Variants in HMGXB3 observed in about 807,000 individuals in gnomAD.
The protein encoded by HMGXB3 is HMG domain-containing protein 3.
In HMGXB3, 45 loss-of-function variants were observed where a neutral mutation model predicts 121.5. That is an observed-to-expected ratio of 0.37 (90% confidence interval 0.29 to 0.47). The LOEUF is 0.47. Ranked by LOEUF, HMGXB3 falls within the 20% of genes least tolerant of loss-of-function variation. The pLI, the probability that HMGXB3 is intolerant of heterozygous loss-of-function variation, is 0.99. For missense variants in HMGXB3, 1,376 were observed against 1,602.2 expected (o/e 0.86, Z 2.41); for synonymous variants, 590 against 624.1 (o/e 0.95, Z 0.81).
intron 11 of HMGXB3, among the ~76,000 whole-genome samples, chr5:150,033,966 C>G (rs1453184811): frequency 6.6e-6 from 1 of 152,194 alleles, no homozygotes; most frequent in East Asian, 1.9e-4. Context: ...GGGAGTGACC[C>G]TGAGTTGGAA....
At chr5:150,040,176 T>C (rs903214520) in intron 13 of HMGXB3, among the ~76,000 whole-genome samples, 2 of 152,174 alleles carry the variant, frequency 1.3e-5, no homozygotes, top group Non-Finnish European at 2.9e-5. Flanking sequence ...CTATATGTAC[T>C]ATTTCATTAT....
intron 16 of HMGXB3, among the ~76,000 whole-genome samples, chr5:150,047,054 G>A (rs1489050440): frequency 6.6e-6 from 1 of 151,580 alleles, no homozygotes; most frequent in African/African-American, 2.4e-5. Context: ...CACCACACCT[G>A]GCTAATTTTT....
chr5:150,049,419 C>G (rs1163143095), intron 18 of HMGXB3, among the ~76,000 whole-genome samples: 2 of 151,808 alleles, frequency 1.3e-5, no homozygotes, highest in Admixed American at 6.6e-5. Flanking sequence ...AACCCCCCCC[C>G]TTAACAGGTA....
intron 6 of HMGXB3, chr5:150,021,771 T>C: frequency 2.0e-6 from 1 of 507,786 alleles, no homozygotes; most frequent in South Asian, 1.4e-5. Flanking sequence ...GAACTGATCC[T>C]TTCACTGAGA....
At chr5:150,007,519 T>C (rs1036525718) in intron 3 of HMGXB3, among the ~76,000 whole-genome samples, 2 of 152,242 alleles carry the variant, frequency 1.3e-5, no homozygotes, top group East Asian at 1.9e-4. Flanking sequence ...GAACAGGTTG[T>C]ATTTTCCCTT....
intron 6 of HMGXB3, among the ~76,000 whole-genome samples, chr5:150,019,019 G>T (rs1756023321): frequency 6.6e-6 from 1 of 151,104 alleles, no homozygotes; most frequent in African/African-American, 2.4e-5. Flanking sequence ...GTAGAGATGG[G>T]GTCTTCCTTT....
chr5:150,048,634 G>T lies in HMGXB3; in HGVS notation c.3150G>T (p.Arg1050=), dbSNP rs2113763427. 6.4e-7 allele frequency: 1 copy of T among 1,551,906 alleles called. No individual in the cohort carries two copies. Among genetic ancestry groups the T allele is most frequent in the Non-Finnish European group, 8.7e-7 (1 of 1,147,010 alleles). The change falls in exon 18 of 20, where the codon CGG becomes CGT. Residue 1050 remains arginine, a synonymous_variant. Transcript: ENST00000502717. The part of the protein sequence containing the change: ...ESVQNGARAI[R]PPRHFTGGKI... ...TACAGAATGGAGCTAGAGCTATACG[G>T]CCCCCACGTCACTTCACAGGTGGTA...
intron 9 of HMGXB3, among the ~76,000 whole-genome samples, chr5:150,028,977 T>C (rs931200129): frequency 6.6e-6 from 1 of 152,168 alleles, no homozygotes; most frequent in Admixed American, 6.5e-5. Flanking sequence ...GGATCAGATA[T>C]TAACGTTTAG....
At chr5:150,002,726 A>T (rs1352526739) in intron 1 of HMGXB3, among the ~76,000 whole-genome samples, 1 of 151,636 alleles carries the variant, frequency 6.6e-6, no homozygotes, top group East Asian at 1.9e-4. Flanking sequence ...TTTCCTAGAC[A>T]TAAAAGCTGT....
At position 150,018,715 on chromosome 5, in the gene HMGXB3, T is replaced by G. The variant is rs781074805; in HGVS notation, c.1041+18T>G. 3.9e-6 allele frequency: 6 copies of G among 1,540,556 alleles called. No individual in the cohort carries two copies. The highest frequency in any genetic ancestry group is 5.3e-6 in the Non-Finnish European group (6 of 1,141,818). ...TCCCAAAGGTAAGGTCCATTGGCTG[T>G]TGCTGCTTTGGAAGCCTCACAGAAT... On this transcript the variant is annotated intron_variant, in intron 6 of 19. Transcript: ENST00000502717.
chr5:150,046,451 C>A (rs1369713763), intron 16 of HMGXB3, among the ~76,000 whole-genome samples: 1 of 151,988 alleles, frequency 6.6e-6, no homozygotes, highest in African/African-American at 2.4e-5. Flanking sequence ...TGGATATGAC[C>A]CACTCAATTG....
At position 150,052,152 on chromosome 5, in the gene HMGXB3, A is replaced by G; in HGVS notation, c.3839A>G (p.Glu1280Gly). 6.5e-7 allele frequency: 1 copy of G among 1,548,976 alleles called. No homozygotes were observed. The highest frequency in any genetic ancestry group is 8.7e-7 in the Non-Finnish European group (1 of 1,145,098). The change falls in exon 20 of 20, where the codon GAG becomes GGG. Residue 1280 changes from glutamate (E) to glycine (G), a missense_variant. Glu to Gly is a moderately conservative substitution (Grantham distance 98). Coordinates refer to ENST00000502717, the MANE Select transcript of HMGXB3 (RefSeq NM_014983.3). ...GVAQIKTETE[E>G]EGEEEEVAAV... The stretch of plus-strand genomic sequence containing the variant: ...GCTCAGATCAAGACAGAGACAGAGG[A>G]GGAGGGTGAGGAAGAGGAGGTGGCC...
intron 19 of HMGXB3, 137 bp downstream of exon 19, chr5:150,050,598 C>G: frequency 3.1e-6 from 2 of 647,116 alleles, no homozygotes; most frequent in South Asian, 1.8e-5. Context: ...TCTCGTGCCT[C>G]AGCCTCCCGA....
At position 150,032,388 on chromosome 5, in the gene HMGXB3, G is replaced by C; in HGVS notation, c.1834-66G>C. On this transcript the variant is annotated intron_variant, in intron 10 of 19. Coordinates refer to ENST00000502717, the MANE Select transcript of HMGXB3 (RefSeq NM_014983.3). ...TGATTTACTGGCAGCTGCTCATTCT[G>C]GTTCTGGGTTCTGCCCAGGTTTAAC... is the stretch of plus-strand genomic sequence containing the variant. 2.1e-6 allele frequency: 3 copies of C among 1,445,920 alleles called. No homozygotes were observed. The Admixed American group carries it at 6.3e-5, about 30-fold the overall frequency. 89.6% of individuals were successfully genotyped at this position (1,445,920 alleles called of 1,614,324 possible).
intron 19 of HMGXB3, among the ~76,000 whole-genome samples, chr5:150,051,427 C>T (rs1052757650): frequency 6.6e-6 from 1 of 152,206 alleles, no homozygotes; most frequent in Admixed American, 6.5e-5. Flanking sequence ...AGAAAAGTGT[C>T]TTAACCTCAG....
rs1331740390 is a variant in HMGXB3 at position 150,026,846 on chromosome 5, G to C, written c.1601G>C (p.Gly534Ala). 6.5e-7 allele frequency: 1 copy of C among 1,533,360 alleles called. No homozygotes were observed. Among genetic ancestry groups the C allele is most frequent in the African/African-American group, 1.4e-5 (1 of 72,472 alleles). The allele number at this position is 1,533,360 out of a possible 1,614,324, so 95.0% of individuals were successfully genotyped here. ...PVNVGRGSSM[G>A]LPRARQAFSL... is the part of the protein sequence containing the mutation. ...AACGTGGGGCGAGGCAGCAGCATGG[G>C]ACTGCCCAGGGCCAGGCAGGCCTTT... The change falls in exon 8 of 20, where the codon GGA becomes GCA. Residue 534 changes from glycine (G) to alanine (A), a missense_variant. By Grantham distance (60) the Gly-to-Ala change is moderately conservative. Coordinates refer to ENST00000502717, the MANE Select transcript of HMGXB3 (RefSeq NM_014983.3).
At chr5:150,038,644 C>T (rs557083725) in intron 13 of HMGXB3, among the ~76,000 whole-genome samples, 2 of 152,332 alleles carry the variant, frequency 1.3e-5, no homozygotes, top group African/African-American at 2.4e-5. Context: ...TGTTTGATCT[C>T]ATCTTTATCC....
intron 13 of HMGXB3, among the ~76,000 whole-genome samples, chr5:150,039,553 G>A (rs1277484523): frequency 1.3e-5 from 2 of 151,948 alleles, no homozygotes; most frequent in Non-Finnish European, 2.9e-5. Flanking sequence ...TTTGTAGTAG[G>A]TAGAGTATAT....
chr5:150,051,362 A>G (rs974904178), intron 19 of HMGXB3, among the ~76,000 whole-genome samples: 1 of 152,204 alleles, frequency 6.6e-6, no homozygotes, highest in African/African-American at 2.4e-5. Flanking sequence ...TGGAGGAGTC[A>G]TTATTGTCAT....
Sources: allele counts gnomAD v4.1 joint callset (sites outside exome capture counted in the v4.1 genomes callset), GRCh38; gene constraint gnomAD v4.1.1; transcripts MANE v1.5; gene names NCBI Gene and HGNC (gene_info 2026-07-23, HGNC 2026-07-21).